WNT5B: variants seen among roughly 807,000 people sequenced by gnomAD.
The protein encoded by WNT5B is Wnt family member 5B, also known as protein Wnt-5b.
A neutral mutation model predicts 36.5 loss-of-function variants in WNT5B; 18 were observed. The observed-to-expected ratio is 0.49, with a 90% CI of 0.34 to 0.73. The LOEUF (loss-of-function observed/expected upper bound fraction) is 0.73, where lower values mean the gene tolerates loss of function less well. Among genes scored for constraint, WNT5B ranks in the 30% least tolerant of loss-of-function variants. The probability of loss-of-function intolerance (pLI) is 0.01; values close to 1 mark genes in which losing one functional copy is unlikely to be tolerated. For missense variants in WNT5B, 424 were observed against 508.4 expected (o/e 0.83, Z 1.60); for synonymous variants, 213 against 212.3 (o/e 1.00, Z -0.03).
intron 4 of WNT5B, among the ~76,000 whole-genome samples, chr12:1,640,434 C>G (rs2094572887): frequency 6.6e-6 from 1 of 152,176 alleles, no homozygotes; most frequent in Non-Finnish European, 1.5e-5. Flanking sequence ...TCATACGTAT[C>G]CAGAACCCAG....
upstream of WNT5B, among the ~76,000 whole-genome samples, chr12:1,628,291 G>A (rs374434933): frequency 1.6e-4 from 24 of 152,024 alleles, no homozygotes; most frequent in Admixed American, 3.9e-4. Context: ...AAGTAGCTGC[G>A]ACTGCAGGCA....
intron 4 of WNT5B, among the ~76,000 whole-genome samples, chr12:1,641,808 A>G (rs368328986): frequency 1.3e-5 from 2 of 152,366 alleles, no homozygotes; most frequent in African/African-American, 4.8e-5. Flanking sequence ...AAAAAAATAG[A>G]AAGAAAAAAG....
chr12:1,636,534 T>C (rs2094561778), intron 3 of WNT5B, among the ~76,000 whole-genome samples: 1 of 36,162 alleles, frequency 2.8e-5, no homozygotes, highest in Non-Finnish European at 5.5e-5. Flanking sequence ...TATATATATA[T>C]ATATATACTT....
chr12:1,628,331 C>CT (rs1415709830), upstream of WNT5B, among the ~76,000 whole-genome samples: 1 of 152,042 alleles, frequency 6.6e-6, no homozygotes, highest in Non-Finnish European at 1.5e-5. Flanking sequence ...AATTTTTATA[C>CT]TTTTTTATTA....
In WNT5B at chr12:1,632,710, C is replaced by A; in HGVS notation, c.133C>A (p.Gln45Lys). 1 of 1,613,284 alleles carries A rather than the reference C, an allele frequency of 6.2e-7. No individual in the cohort carries two copies. Among genetic ancestry groups the A allele is most frequent in the Non-Finnish European group, 8.5e-7 (1 of 1,179,298 alleles). Residue 45 changes from glutamine (Q) to lysine (K), a missense_variant, in exon 3 of 5, where the codon CAG becomes AAG. By Grantham distance (53) the Gln-to-Lys change is moderately conservative. Coordinates refer to ENST00000397196, the MANE Select transcript of WNT5B (RefSeq NM_032642.3). This position sits in a 1 kb window ranked among gnomAD's most constrained non-coding sequence, Gnocchi z 5.8. ...QRPEMFIIGA[Q>K]PVCSQLPGLS... Reference sequence around the variant, plus strand: ...ACCCGAGATGTTTATCATCGGTGCCCAGCCCGTGTGCAGTCAGCTTCCCGG... The same window carrying A: ...ACCCGAGATGTTTATCATCGGTGCCAAGCCCGTGTGCAGTCAGCTTCCCGG...
Position 1,641,450 on chromosome 12 carries a change from A to G in WNT5B, c.621+1474A>G, listed in dbSNP as rs185494773. Among the ~76,000 whole-genome samples, 344 of 151,994 alleles carry G rather than the reference A, an allele frequency of 2.3e-3. 2 individuals are homozygous for G. The highest frequency in any genetic ancestry group is 8.0e-3 in the African/African-American group (332 of 41,432). On this transcript the variant is annotated intron_variant, in intron 4 of 4. Coordinates refer to ENST00000397196, the MANE Select transcript of WNT5B (RefSeq NM_032642.3). Reference sequence around the variant, plus strand: ...TTTAACGGTGGCACCCTGGTGATTCAGTAACAGGATATGAATATAAGCCTC... The same window carrying G: ...TTTAACGGTGGCACCCTGGTGATTCGGTAACAGGATATGAATATAAGCCTC...
At position 1,640,016 on chromosome 12, in the gene WNT5B, T is replaced by A. The variant is rs374571917; in HGVS notation, c.621+40T>A. On this transcript the variant is annotated intron_variant, in intron 4 of 4. Coordinates refer to ENST00000397196, the MANE Select transcript of WNT5B (RefSeq NM_032642.3). ...CCCGGCCTCCCCAGCACTGCAGACCTAGGGGGCTGTTCCCGGGCTGTGCCA... is the reference window on the plus strand; with the variant it reads ...CCCGGCCTCCCCAGCACTGCAGACCAAGGGGGCTGTTCCCGGGCTGTGCCA... 1.8e-4 allele frequency: 290 copies of A among 1,573,010 alleles called. No individual in the cohort carries two copies. The African/African-American group carries it at 3.5e-3, about 19-fold the overall frequency.
rs531247257 is a variant in WNT5B, at chr12:1,632,185, A to G, written c.81-473A>G. On this transcript the variant is annotated intron_variant, in intron 2 of 4. Transcript: ENST00000397196. The surrounding 1 kb of genome is among the most constrained non-coding windows in gnomAD (Gnocchi z 5.8). ...GATTGATTGCTTTCCATGGCTTATC[A>G]TGTACTTGGGCTGCACTGAACTAGT... Among the ~76,000 whole-genome samples, 6 of 152,312 alleles carry G rather than the reference A, an allele frequency of 3.9e-5. No homozygotes were observed. The highest frequency in any genetic ancestry group is 1.4e-4 in the African/African-American group (6 of 41,562).
In WNT5B at chr12:1,629,261, C is replaced by A. The variant is rs1415370739; in HGVS notation, c.-168C>A. 2 of 152,174 alleles carry A rather than the reference C, an allele frequency of 1.3e-5. No homozygotes were observed. Among genetic ancestry groups the A allele is most frequent in the Non-Finnish European group, 2.9e-5 (2 of 68,092 alleles). The allele number at this position is 152,174 out of a possible 1,614,324, so 9.4% of individuals were successfully genotyped here. A position where few individuals can be genotyped will look rare whatever the true frequency, so the allele number is the denominator to read the frequency against. On this transcript the variant is annotated 5_prime_UTR_variant, in exon 1 of 5. Transcript: ENST00000397196. ...CAGCCACAGTGACCATTAGCAGGCACCCAGGCCTGTCTTTGGCTCGGAAAC... is the reference window on the plus strand; with the variant it reads ...CAGCCACAGTGACCATTAGCAGGCAACCAGGCCTGTCTTTGGCTCGGAAAC...
At chr12:1,624,227 A>G (rs1049442043) in intron 1 of WNT5B, among the ~76,000 whole-genome samples, 3 of 152,068 alleles carry the variant, frequency 2.0e-5, no homozygotes, top group Admixed American at 6.5e-5. Context: ...CTCTACTAAA[A>G]ATGCAAAAAT....
rs2094571930 is a variant in WNT5B at position 1,640,059 on chromosome 12, T to C, written c.621+83T>C. Reference sequence around the variant, plus strand: ...CTGTGCCACCAGCCGTGGCCTGGCCTTCAAGGAAACGGGTTAGTCTGACCG... The same window carrying C: ...CTGTGCCACCAGCCGTGGCCTGGCCCTCAAGGAAACGGGTTAGTCTGACCG... On this transcript the variant is annotated intron_variant, in intron 4 of 4. Coordinates refer to ENST00000397196, the MANE Select transcript of WNT5B (RefSeq NM_032642.3). The C allele has an allele frequency of 5.4e-6, 8 of 1,483,422 alleles. No individual in the cohort carries two copies. The South Asian group carries it at 1.0e-4, about 19-fold the overall frequency. 91.9% of individuals were successfully genotyped at this position (1,483,422 alleles called of 1,614,324 possible). A position where few individuals can be genotyped will look rare whatever the true frequency, so the allele number is the denominator to read the frequency against.
At position 1,639,841 on chromosome 12, in the gene WNT5B, G is replaced by T; in HGVS notation, c.486G>T (p.Gly162=). The T allele has an allele frequency of 6.2e-7, 1 of 1,613,938 alleles. No homozygotes were observed. The highest frequency in any genetic ancestry group is 8.5e-7 in the Non-Finnish European group (1 of 1,179,904). ...LPRDWLWGGC[G]DNVEYGYRFA... Reference sequence around the variant, plus strand: ...GGGACTGGCTGTGGGGCGGCTGTGGGGACAACGTGGAGTACGGCTACCGCT... The same window carrying T: ...GGGACTGGCTGTGGGGCGGCTGTGGTGACAACGTGGAGTACGGCTACCGCT... Residue 162 remains glycine, a synonymous_variant, in exon 4 of 5, where the codon GGG becomes GGT. Coordinates refer to ENST00000397196, the MANE Select transcript of WNT5B (RefSeq NM_032642.3).
intron 3 of WNT5B, among the ~76,000 whole-genome samples, chr12:1,634,735 C>G (rs1366988344): frequency 6.6e-6 from 1 of 152,134 alleles, no homozygotes. Flanking sequence ...TGAGAAGGAC[C>G]GTCTAAGGCT....
In WNT5B at chr12:1,630,336, C is replaced by G. The variant is rs1034943158; in HGVS notation, c.-57-962C>G. 1.5e-6 allele frequency: 1 copy of G among 667,280 alleles called. No homozygotes were observed. Among genetic ancestry groups the G allele is most frequent in the Admixed American group, 6.3e-5 (1 of 15,882 alleles). 41.3% of individuals were successfully genotyped at this position (667,280 alleles called of 1,614,324 possible). On this transcript the variant is annotated intron_variant, in intron 1 of 4. Coordinates refer to ENST00000397196, the MANE Select transcript of WNT5B (RefSeq NM_032642.3). This position sits in a 1 kb window ranked among gnomAD's most constrained non-coding sequence, Gnocchi z 5.3. The stretch of plus-strand genomic sequence containing the variant: ...GTGTGTCCCGAGGCGCAGGCTCGCT[C>G]TAGCAGCACTGACCTGCTGCGGGTC...
rs1565610353 is a variant in WNT5B, at chr12:1,639,230, C to CG, written c.329-451dup. Among the ~76,000 whole-genome samples the CG allele has an allele frequency of 3.3e-5, 5 of 150,988 alleles. No individual in the cohort carries two copies. The South Asian group carries it at 8.4e-4, about 26-fold the overall frequency. ...TCAGCTCCCTGCAAGCTCCGCCTCCCGGGTTCACGCCATTCTCCTGCCTCA... is the reference window on the plus strand; with the variant it reads ...TCAGCTCCCTGCAAGCTCCGCCTCCCGGGGTTCACGCCATTCTCCTGCCTCA... On this transcript the variant is annotated intron_variant, in intron 3 of 4. Transcript: ENST00000397196.
In WNT5B at chr12:1,634,577, C is replaced by T. The variant is rs573313273; in HGVS notation, c.328+1672C>T. On this transcript the variant is annotated intron_variant, in intron 3 of 4. Coordinates refer to ENST00000397196, the MANE Select transcript of WNT5B (RefSeq NM_032642.3). Reference sequence around the variant, plus strand: ...GAGCCCATCTCTCTGTGCCCTATTCCGTTACAAAATGGAACCCTTCTGTTT... The same window carrying T: ...GAGCCCATCTCTCTGTGCCCTATTCTGTTACAAAATGGAACCCTTCTGTTT... Among the ~76,000 whole-genome samples, 209 of 152,286 alleles carry T rather than the reference C, an allele frequency of 1.4e-3. 6 individuals are homozygous for T. In the South Asian group the frequency reaches 0.043, roughly 31 times the overall value.
chr12:1,625,964 G>GT (rs2094540324), upstream of WNT5B, among the ~76,000 whole-genome samples: 2 of 145,316 alleles, frequency 1.4e-5, no homozygotes, highest in Admixed American at 6.9e-5. Context: ...CACCCTGCCT[G>GT]TTTTTTTTCT....
At chr12:1,619,981 C>G (rs941830307) in intron 1 of WNT5B, among the ~76,000 whole-genome samples, 1 of 152,166 alleles carries the variant, frequency 6.6e-6, no homozygotes, top group African/African-American at 2.4e-5. Flanking sequence ...ATTGTACTTT[C>G]CGCCAAGAAA....
chr12:1,626,653 C>T (rs537487530), upstream of WNT5B, among the ~76,000 whole-genome samples: 3 of 151,982 alleles, frequency 2.0e-5, no homozygotes, highest in Admixed American at 1.3e-4. Flanking sequence ...CACGCTCCGC[C>T]TCCCAGGTTC....
Sources: allele counts gnomAD v4.1 joint callset (sites outside exome capture counted in the v4.1 genomes callset), GRCh38; gene constraint gnomAD v4.1.1; non-coding constraint Gnocchi (gnomAD v3.1); transcripts MANE v1.5; gene names NCBI Gene and HGNC (gene_info 2026-07-23, HGNC 2026-07-21).